Variants in ZNF665 observed in about 807,000 individuals in gnomAD.
ZNF665 encodes zinc finger protein 665.
In ZNF665, 6 loss-of-function variants were observed where a neutral mutation model predicts 7.9. The ratio of observed to expected loss-of-function variants is 0.76; its 90% CI spans 0.42 to 1.50. The LOEUF is 1.50. Ranked by LOEUF, ZNF665 falls within the 40% of genes most tolerant of loss-of-function variation. The pLI is 0.01. For synonymous variants in ZNF665, 242 were observed against 274.5 expected (o/e 0.88, Z 1.17); for missense variants, 819 against 806.7 (o/e 1.02, Z -0.18).
At chr19:53,175,632 A>T (rs2090692212) in intron 2 of ZNF665, 61 bp from the exon 3 acceptor site, 1 of 1,544,128 alleles carries the variant, frequency 6.5e-7, no homozygotes, top group African/African-American at 1.4e-5. Flanking sequence ...TTCACATAAA[A>T]CAAGAAGAGG....
intron 1 of ZNF665, among the ~76,000 whole-genome samples, chr19:53,192,410 T>A (rs2090824242): frequency 6.6e-6 from 1 of 152,032 alleles, no homozygotes; most frequent in Non-Finnish European, 1.5e-5. Context: ...TCTCCCTAAC[T>A]CTCCGTCTGA....
chr19:53,174,574 C>T (rs1489616407), intron 3 of ZNF665, among the ~76,000 whole-genome samples: 1 of 152,168 alleles, frequency 6.6e-6, no homozygotes, highest in Non-Finnish European at 1.5e-5. Context: ...TGGTTCTCCA[C>T]ATTCCAGGGC....
intron 3 of ZNF665, among the ~76,000 whole-genome samples, chr19:53,170,978 T>TTTTG (rs373605315): frequency 0.015 from 2,218 of 152,136 alleles, 20 homozygotes; most frequent in African/African-American, 0.025. Context: ...TGTATTCCTT[T>TTTTG]TTTGTTTGTT....
chr19:53,174,181 A>G (rs2090679338), intron 3 of ZNF665, among the ~76,000 whole-genome samples: 1 of 152,154 alleles, frequency 6.6e-6, no homozygotes, highest in Non-Finnish European at 1.5e-5. Flanking sequence ...TGGACAGAAA[A>G]ATAAGGATTT....
chr19:53,164,866 A>G lies in ZNF665; in HGVS notation c.1624T>C (p.Tyr542His). ...HQTIHTGQKPYKCNDCGKVFR... is the reference protein window; with the variant it reads ...HQTIHTGQKPHKCNDCGKVFR... ...ACCTTGCCGCAATCATTACATTTGT[A>G]TGGTTTTTGTCCAGTATGTATTGTC... Residue 542 changes from tyrosine (Y) to histidine (H), a missense_variant, in exon 4 of 4, where the codon TAC (tyrosine) becomes CAC (histidine). Physicochemically the swap from Tyr to His is moderately conservative, Grantham distance 83. Coordinates refer to ENST00000396424, the MANE Select transcript of ZNF665 (RefSeq NM_024733.5). 6.2e-7 allele frequency: 1 copy of G among 1,614,134 alleles called. No individual in the cohort carries two copies. Among genetic ancestry groups the G allele is most frequent in the South Asian group, 1.1e-5 (1 of 91,076 alleles).
intron 1 of ZNF665, among the ~76,000 whole-genome samples, chr19:53,183,517 C>CT (rs888548209): frequency 5.5e-5 from 8 of 146,528 alleles, no homozygotes; most frequent in African/African-American, 2.2e-4. Flanking sequence ...CCCAGCACAG[C>CT]CCCCCCACCT....
intron 2 of ZNF665, chr19:53,180,740 A>G (rs1436310289): frequency 2.4e-4 from 36 of 152,200 alleles, no homozygotes; most frequent in Admixed American, 2.4e-3. Context: ...GTTTACAAAC[A>G]TTTTTGTAAA....
intron 3 of ZNF665, among the ~76,000 whole-genome samples, chr19:53,172,450 T>A (rs1165361404): frequency 6.6e-6 from 1 of 152,232 alleles, no homozygotes; most frequent in Non-Finnish European, 1.5e-5. Context: ...CTCCTGACAG[T>A]AGCCATTCTG....
chr19:53,180,659 G>A (rs1464911090), intron 2 of ZNF665: 1 of 151,994 alleles, frequency 6.6e-6, no homozygotes, highest in Non-Finnish European at 1.5e-5. Context: ...GACATCTTTA[G>A]TTGTCTTTTT....
chr19:53,175,375 G>C, intron 3 of ZNF665, 70 bp downstream of exon 3: 1 of 1,564,166 alleles, frequency 6.4e-7, no homozygotes, highest in Admixed American at 2.0e-5. Flanking sequence ...GGGCTCTCAA[G>C]AGACTCACAA....
At position 53,166,101 on chromosome 19, in the gene ZNF665, C is replaced by G. The variant is rs777333689; in HGVS notation, c.389G>C (p.Arg130Thr). 7 of 1,613,776 alleles carry G rather than the reference C, an allele frequency of 4.3e-6. No homozygotes were observed. In the East Asian group the frequency reaches 1.3e-4, roughly 31 times the overall value. The stretch of plus-strand genomic sequence containing the variant: ...TTCAATATGCCTGTTTCCTGCAGCC[C>G]TTCTATCACGTTGAGCTCTTCTACC... Reference protein sequence around the residue: ...LPGRRAQRDRRAAGNRHIENQ... With the variant: ...LPGRRAQRDRTAAGNRHIENQ... The change falls in exon 4 of 4, where the codon AGG becomes ACG. Residue 130 changes from arginine (R) to threonine (T), a missense_variant. Arg to Thr is a moderately conservative substitution (Grantham distance 71). Transcript: ENST00000396424.
At position 53,165,530 on chromosome 19, in the gene ZNF665, A is replaced by G. The variant is rs1250080735; in HGVS notation, c.960T>C (p.Cys320=). 3 of 1,613,944 alleles carry G rather than the reference A, an allele frequency of 1.9e-6. No individual in the cohort carries two copies. Among genetic ancestry groups the G allele is most frequent in the Non-Finnish European group, 2.5e-6 (3 of 1,179,972 alleles). The change falls in exon 4 of 4, where the codon TGT becomes TGC. Residue 320 remains cysteine, a synonymous_variant. Coordinates refer to ENST00000396424, the MANE Select transcript of ZNF665 (RefSeq NM_024733.5). ...RIHTGEKPYK[C]NECGKAFSVR... is the part of the protein sequence containing the mutation. ...CACTAAAGGCTTTGCCACACTCATT[A>G]CACTTGTAAGGCTTCTCCCCAGTAT...
intron 2 of ZNF665, chr19:53,179,763 T>C (rs778034245): frequency 1.3e-5 from 2 of 152,196 alleles, no homozygotes; most frequent in Non-Finnish European, 2.9e-5. Flanking sequence ...GGTCAGAAGT[T>C]TCAGAGGCCT....
At chr19:53,168,066 A>G (rs2090630899) in intron 3 of ZNF665, among the ~76,000 whole-genome samples, 1 of 148,048 alleles carries the variant, frequency 6.8e-6, no homozygotes, top group African/African-American at 2.5e-5. Context: ...AAAAAAAAAA[A>G]AAAAAAAAAA....
At chr19:53,169,794 T>C (rs1306431649) in intron 3 of ZNF665, among the ~76,000 whole-genome samples, 2 of 149,716 alleles carry the variant, frequency 1.3e-5, no homozygotes, top group African/African-American at 5.0e-5. Context: ...TTTGGTTTTT[T>C]GTTCTTGCAA....
intron 2 of ZNF665, among the ~76,000 whole-genome samples, chr19:53,177,610 T>C (rs557975930): frequency 2.6e-5 from 4 of 152,216 alleles, no homozygotes; most frequent in East Asian, 1.9e-4. Flanking sequence ...CAGTGTTAGA[T>C]AGATATTATG....
Position 53,164,589 on chromosome 19 carries a change from G to T in ZNF665, c.1901C>A (p.Ala634Asp). Residue 634 changes from alanine to aspartate, a missense_variant, in exon 4 of 4, where the codon GCC (alanine) becomes GAC (aspartate). Coordinates refer to ENST00000396424, the MANE Select transcript of ZNF665 (RefSeq NM_024733.5). Reference sequence around the variant, plus strand: ...AGTTAGGGTTGAACGAACACTGAAGGCTTTCCCACACTCATTACACCTATA... The same window carrying T: ...AGTTAGGGTTGAACGAACACTGAAGTCTTTCCCACACTCATTACACCTATA... The part of the protein sequence containing the change: ...KPYRCNECGK[A>D]FSVRSTLTTH... The T allele has an allele frequency of 5.6e-6, 9 of 1,614,134 alleles. No individual in the cohort carries two copies. Among genetic ancestry groups the T allele is most frequent in the Non-Finnish European group, 7.6e-6 (9 of 1,180,008 alleles).
rs140482885 is a variant in ZNF665 at position 53,171,504 on chromosome 19, G to GTGTGTATA, written c.142+3940_142+3941insTATACACA. Among the ~76,000 whole-genome samples, 87 of 57,770 alleles carry GTGTGTATA rather than the reference G, an allele frequency of 1.5e-3. 1 individual carries two copies. Among genetic ancestry groups the GTGTGTATA allele is most frequent in the African/African-American group, 4.1e-3 (76 of 18,396 alleles). 37.9% of individuals were successfully genotyped at this position (57,770 alleles called of 152,430 possible). A position where few individuals can be genotyped will look rare whatever the true frequency, so the allele number is the denominator to read the frequency against. On this transcript the variant is annotated intron_variant, in intron 3 of 3. Coordinates refer to ENST00000396424, the MANE Select transcript of ZNF665 (RefSeq NM_024733.5). ...TCTTTACATTTGTGTGTGTGTGTGT[G>GTGTGTATA]TATATATATATATATATATATTTTT...
In ZNF665 at chr19:53,164,133, C is replaced by CTTTTTTTTTTTTTTTT. The variant is rs35735454; in HGVS notation, c.*304_*319dup. On this transcript the variant is annotated 3_prime_UTR_variant, in exon 4 of 4. Transcript: ENST00000396424. ...CTGGCCGCACTCCTTTGTAAGGTTA[C>CTTTTTTTTTTTTTTTT]TTTTTTTTTTTTTTTTTTTTTGGAG... 18 of 104,628 alleles carry CTTTTTTTTTTTTTTTT rather than the reference C, an allele frequency of 1.7e-4. No individual in the cohort carries two copies. Among genetic ancestry groups the CTTTTTTTTTTTTTTTT allele is most frequent in the African/African-American group, 5.9e-4 (18 of 30,394 alleles). The allele number at this position is 104,628 out of a possible 1,614,324, so 6.5% of individuals were successfully genotyped here.
Sources: allele counts gnomAD v4.1 joint callset (sites outside exome capture counted in the v4.1 genomes callset), GRCh38; gene constraint gnomAD v4.1.1; transcripts MANE v1.5; gene names NCBI Gene and HGNC (gene_info 2026-07-23, HGNC 2026-07-21).